Variants in LDLRAD4 observed in about 807,000 individuals in gnomAD.
The protein encoded by LDLRAD4 is low density lipoprotein receptor class A domain containing 4, also known as low-density lipoprotein receptor class A domain-containing protein 4.
A neutral mutation model predicts 17.0 loss-of-function variants in LDLRAD4; 5 were observed. The ratio of observed to expected loss-of-function variants is 0.29; its 90% CI spans 0.15 to 0.62. The LOEUF is 0.62. LDLRAD4 is among the 20% of genes least tolerant of loss of function. LDLRAD4 has a pLI of 0.84. For synonymous variants in LDLRAD4, 168 were observed against 171.8 expected (o/e 0.98, Z 0.17); for missense variants, 340 against 424.7 (o/e 0.80, Z 1.75).
chr18:13,320,270 A>G (rs1253389076), intron 1 of LDLRAD4, among the ~76,000 whole-genome samples: 3 of 152,270 alleles, frequency 2.0e-5, no homozygotes, highest in Non-Finnish European at 1.5e-5. Flanking sequence ...TCAAGATTGC[A>G]TTAGTCGTAT....
At chr18:13,356,858 G>T (rs2083374695) in intron 1 of LDLRAD4, among the ~76,000 whole-genome samples, 1 of 152,176 alleles carries the variant, frequency 6.6e-6, no homozygotes, top group African/African-American at 2.4e-5. Flanking sequence ...TTTAGGTCAG[G>T]CGCATTGGCT....
chr18:13,241,850 C>T (rs1286229231), intron 1 of LDLRAD4: 3 of 152,318 alleles, frequency 2.0e-5, no homozygotes, highest in African/African-American at 7.2e-5. Context: ...GCAAAGATGA[C>T]TGTCATGTTG....
chr18:13,397,985 GAC>G (rs1475006649), intron 2 of LDLRAD4, among the ~76,000 whole-genome samples: 1 of 152,218 alleles, frequency 6.6e-6, no homozygotes, highest in Non-Finnish European at 1.5e-5. Context: ...TGCTCCCTGA[GAC>G]AGCCCCAGGA....
At chr18:13,496,652 A>G (rs975722343) in intron 3 of LDLRAD4, among the ~76,000 whole-genome samples, 1 of 152,214 alleles carries the variant, frequency 6.6e-6, no homozygotes, top group Admixed American at 6.5e-5. Context: ...AGAGGAGGAC[A>G]CCACAGAAAT....
At chr18:13,641,260 A>T (rs2148970414) in intron 4 of LDLRAD4, among the ~76,000 whole-genome samples, 1 of 152,314 alleles carries the variant, frequency 6.6e-6, no homozygotes, top group Admixed American at 6.5e-5. Flanking sequence ...GCATAGCGAG[A>T]TCCCCATCTC....
rs148623422 is a variant in LDLRAD4 at position 13,621,505 on chromosome 18, G to A, written c.336+234G>A. On this transcript the variant is annotated intron_variant, in intron 4 of 5. Transcript: ENST00000359446. This position sits in a 1 kb window ranked among gnomAD's most constrained non-coding sequence, Gnocchi z 5.5. ...CCAGAAGCCTGCGTGACCCCTCCCA[G>A]GTCTCCCCTGGATCTTTGCTGCCCG... Among the ~76,000 whole-genome samples the A allele has an allele frequency of 5.3e-3, 809 of 152,316 alleles. 3 individuals carry two copies. The highest frequency in any genetic ancestry group is 7.1e-3 in the Non-Finnish European group (480 of 68,022).
At chr18:13,613,304 TG>T (rs2039776554) in intron 3 of LDLRAD4, 1 of 152,604 alleles carries the variant, frequency 6.6e-6, no homozygotes, top group African/African-American at 2.4e-5. Flanking sequence ...AGACTGGCTG[TG>T]GGATGAGAGC....
chr18:13,238,521 A>T (rs1211526680), intron 1 of LDLRAD4, among the ~76,000 whole-genome samples: 1 of 152,202 alleles, frequency 6.6e-6, no homozygotes, highest in African/African-American at 2.4e-5. Flanking sequence ...CTCTTTCTGT[A>T]ATAAGCTGGG....
intron 3 of LDLRAD4, among the ~76,000 whole-genome samples, chr18:13,516,464 C>T (rs6505818): frequency 0.32 from 47,979 of 152,066 alleles, 8,069 homozygotes; most frequent in Middle Eastern, 0.51. Context: ...CCTCTGAGGC[C>T]GTCGGGGAGG....
chr18:13,411,691 C>T (rs138826525), intron 2 of LDLRAD4, among the ~76,000 whole-genome samples: 3 of 152,166 alleles, frequency 2.0e-5, no homozygotes, highest in Admixed American at 6.6e-5. Context: ...GAGGCCTCCC[C>T]AGCCATGTGG....
intron 3 of LDLRAD4, among the ~76,000 whole-genome samples, chr18:13,496,066 T>C (rs562174384): frequency 6.6e-6 from 1 of 152,210 alleles, no homozygotes; most frequent in East Asian, 1.9e-4. Context: ...TGGCTGCGTA[T>C]AGAGGAACAG....
chr18:13,491,568 A>G (rs7241579), intron 3 of LDLRAD4: 3 of 152,164 alleles, frequency 2.0e-5, no homozygotes, highest in East Asian at 3.8e-4. Context: ...TGTTTCCTTT[A>G]AAGATTATAT....
At chr18:13,532,065 C>G (rs1456734998) in intron 3 of LDLRAD4, among the ~76,000 whole-genome samples, 1 of 152,136 alleles carries the variant, frequency 6.6e-6, no homozygotes, top group African/African-American at 2.4e-5. Flanking sequence ...AGAGTAGGAA[C>G]CCTGGTCCAT....
chr18:13,389,393 G>C (rs2086092767), intron 2 of LDLRAD4, among the ~76,000 whole-genome samples: 1 of 152,088 alleles, frequency 6.6e-6, no homozygotes, highest in Non-Finnish European at 1.5e-5. Context: ...GGTGGGGGTG[G>C]GCAGCAGAAG....
chr18:13,340,090 A>G (rs2082295666), intron 1 of LDLRAD4, among the ~76,000 whole-genome samples: 1 of 152,222 alleles, frequency 6.6e-6, no homozygotes, highest in South Asian at 2.1e-4. Context: ...TGTAGCATGC[A>G]TCAGAATTTC....
chr18:13,461,503 A>T (rs1372892346), intron 3 of LDLRAD4: 1 of 152,222 alleles, frequency 6.6e-6, no homozygotes, highest in African/African-American at 2.4e-5. Context: ...AAACAAAGCA[A>T]GGAAAGAATA....
intron 1 of LDLRAD4, among the ~76,000 whole-genome samples, chr18:13,327,332 GC>G (rs917366162): frequency 1.8e-4 from 28 of 152,138 alleles, no homozygotes; most frequent in African/African-American, 6.3e-4. Flanking sequence ...AGTGTATGTG[GC>G]CCCAAGGGAC....
At chr18:13,247,297 G>A (rs1389816352) in intron 1 of LDLRAD4, among the ~76,000 whole-genome samples, 1 of 152,164 alleles carries the variant, frequency 6.6e-6, no homozygotes, top group African/African-American at 2.4e-5. Context: ...TATATGCCCT[G>A]CTTCCTGTAA....
chr18:13,316,269 G>T (rs2080929312), intron 1 of LDLRAD4, among the ~76,000 whole-genome samples: 1 of 152,216 alleles, frequency 6.6e-6, no homozygotes, highest in South Asian at 2.1e-4. Context: ...CAGCTCTACG[G>T]CTGACAGCTG....
Sources: gnomAD v4.1 joint callset for allele counts (sites outside exome capture counted in the v4.1 genomes callset) on GRCh38, gnomAD v4.1.1 for gene constraint, Gnocchi (gnomAD v3.1) non-coding constraint, MANE v1.5 for transcripts, NCBI Gene and HGNC (gene_info 2026-07-23, HGNC 2026-07-21) for gene names.